The following ADAMTSL1 variants were observed in gnomAD, a reference collection of about 807,000 sequenced individuals.
The protein encoded by ADAMTSL1 is ADAMTS like 1, also known as ADAMTS-like protein 1.
A neutral mutation model predicts 201.8 loss-of-function variants in ADAMTSL1; 126 were observed. The ratio of observed to expected loss-of-function variants is 0.62; its 90% CI spans 0.54 to 0.72. The LOEUF (loss-of-function observed/expected upper bound fraction) is 0.72, where lower values mean the gene tolerates loss of function less well. Among genes scored for constraint, ADAMTSL1 ranks in the 30% least tolerant of loss-of-function variants. The probability of loss-of-function intolerance (pLI) is 0.00; values close to 1 mark genes in which losing one functional copy is unlikely to be tolerated. For missense variants in ADAMTSL1, 2,679 were observed against 2,277.8 expected, an observed-to-expected ratio of 1.18 and a Z score of -3.59; for synonymous variants, 1,121 against 903.4, an observed-to-expected ratio of 1.24 and a Z score of -4.32.
intron 2 of ADAMTSL1, among the ~76,000 whole-genome samples, chr9:18,431,521 T>A (rs1190424475): frequency 6.6e-6 from 1 of 152,196 alleles, no homozygotes; most frequent in Non-Finnish European, 1.5e-5. Context: ...GACTCTATAC[T>A]AGAAACTCAA....
chr9:18,125,969 T>G (rs1419178891), intron 1 of ADAMTSL1, among the ~76,000 whole-genome samples: 1 of 152,148 alleles, frequency 6.6e-6, no homozygotes, highest in African/African-American at 2.4e-5. Flanking sequence ...TGGGACAAAC[T>G]ATTCAATTGC....
At chr9:18,652,758 A>G (rs1382811325) in intron 7 of ADAMTSL1, among the ~76,000 whole-genome samples, 1 of 152,218 alleles carries the variant, frequency 6.6e-6, no homozygotes, top group Non-Finnish European at 1.5e-5. Context: ...AGATGGGTTT[A>G]TCAGGATATA....
intron 21 of ADAMTSL1, among the ~76,000 whole-genome samples, chr9:18,822,926 T>C (rs1465922859): frequency 6.6e-6 from 1 of 152,174 alleles, no homozygotes; most frequent in African/African-American, 2.4e-5. Flanking sequence ...CAAGGGCTGG[T>C]GACGTTTTTT....
At chr9:18,637,712 G>A (rs1387236007) in intron 6 of ADAMTSL1, among the ~76,000 whole-genome samples, 1 of 152,132 alleles carries the variant, frequency 6.6e-6, no homozygotes, top group Non-Finnish European at 1.5e-5. Context: ...GAATGTGGGA[G>A]TGAAAGATAC....
intron 2 of ADAMTSL1, among the ~76,000 whole-genome samples, chr9:18,182,877 C>T (rs929110077): frequency 3.9e-5 from 6 of 152,126 alleles, no homozygotes; most frequent in African/African-American, 1.4e-4. Flanking sequence ...TATGCTGCCT[C>T]TAAACACTGA....
chr9:18,181,837 C>T (rs1378498724), intron 2 of ADAMTSL1, among the ~76,000 whole-genome samples: 4 of 152,154 alleles, frequency 2.6e-5, no homozygotes, highest in Non-Finnish European at 4.4e-5. Flanking sequence ...CACATGCACA[C>T]GTATGTTTAT....
intron 14 of ADAMTSL1, among the ~76,000 whole-genome samples, chr9:18,712,823 G>C (rs1832696078): frequency 6.6e-6 from 1 of 150,732 alleles, no homozygotes; most frequent in Admixed American, 6.6e-5. Flanking sequence ...TGAAATGAAG[G>C]AAAAAATGTT....
intron 2 of ADAMTSL1, among the ~76,000 whole-genome samples, chr9:18,506,946 A>G (rs180702531): frequency 7.9e-5 from 12 of 152,354 alleles, no homozygotes; most frequent in Admixed American, 5.9e-4. Flanking sequence ...AGTGCTTAGT[A>G]TGGACTGATA....
chr9:18,266,144 G>A (rs954320117), intron 2 of ADAMTSL1, among the ~76,000 whole-genome samples: 34 of 152,158 alleles, frequency 2.2e-4, no homozygotes, highest in Non-Finnish European at 5.9e-5. Context: ...GACAGCAGGC[G>A]CCACTGCTGC....
intron 16 of ADAMTSL1, among the ~76,000 whole-genome samples, chr9:18,758,287 C>G (rs1819883951): frequency 6.6e-6 from 1 of 152,206 alleles, no homozygotes; most frequent in Admixed American, 6.5e-5. Flanking sequence ...TGGTAACAGT[C>G]CTAAAATCAG....
At chr9:18,181,040 A>G (rs1271483269) in intron 2 of ADAMTSL1, among the ~76,000 whole-genome samples, 2 of 152,204 alleles carry the variant, frequency 1.3e-5, no homozygotes, top group Non-Finnish European at 2.9e-5. Flanking sequence ...TGGGGAAAGG[A>G]TTCCCTATTT....
At chr9:18,500,986 A>C (rs1027175927) in intron 1 of ADAMTSL1, among the ~76,000 whole-genome samples, 9 of 152,220 alleles carry the variant, frequency 5.9e-5, no homozygotes, top group African/African-American at 2.2e-4. Flanking sequence ...CTTTTGAGAC[A>C]TTGAATTAAA....
intron 2 of ADAMTSL1, among the ~76,000 whole-genome samples, chr9:18,198,239 A>C (rs1479698324): frequency 2.0e-5 from 3 of 151,488 alleles, no homozygotes; most frequent in African/African-American, 7.3e-5. Context: ...AATGGCAACA[A>C]AAGCCAAAAT....
At chr9:18,422,860 G>T (rs777302303) in intron 2 of ADAMTSL1, among the ~76,000 whole-genome samples, 3 of 152,188 alleles carry the variant, frequency 2.0e-5, no homozygotes, top group Non-Finnish European at 4.4e-5. Flanking sequence ...TGTGGATGAA[G>T]ACTTTATCAC....
chr9:18,137,425 G>C (rs1395163587), intron 1 of ADAMTSL1, among the ~76,000 whole-genome samples: 1 of 152,010 alleles, frequency 6.6e-6, no homozygotes, highest in East Asian at 1.9e-4. Flanking sequence ...AAACACATGG[G>C]GGTCTTCCAA....
At chr9:17,997,513 A>G (rs1227540213) in intron 1 of ADAMTSL1, among the ~76,000 whole-genome samples, 1 of 152,120 alleles carries the variant, frequency 6.6e-6, no homozygotes, top group Non-Finnish European at 1.5e-5. Flanking sequence ...TGTTGGTAAC[A>G]TTCATTACTT....
intron 2 of ADAMTSL1, among the ~76,000 whole-genome samples, chr9:18,285,440 T>C (rs1407081662): frequency 6.6e-6 from 1 of 152,132 alleles, no homozygotes; most frequent in African/African-American, 2.4e-5. Flanking sequence ...AGTAATATTA[T>C]ACTCTATAGT....
At chr9:18,003,115 A>T (rs535600873) in intron 1 of ADAMTSL1, among the ~76,000 whole-genome samples, 1 of 152,110 alleles carries the variant, frequency 6.6e-6, no homozygotes, top group East Asian at 2.0e-4. Context: ...TTGAGGGAGC[A>T]GAGGCTGTGG....
chr9:18,344,131 A>C (rs1835594039), intron 2 of ADAMTSL1, among the ~76,000 whole-genome samples: 2 of 152,164 alleles, frequency 1.3e-5, no homozygotes, highest in Admixed American at 6.6e-5. Context: ...AGTGTAAAAA[A>C]TGTTTTAATT....
Sources: allele counts gnomAD v4.1 joint callset (sites outside exome capture counted in the v4.1 genomes callset), GRCh38; gene constraint gnomAD v4.1.1; transcripts MANE v1.5; gene names NCBI Gene and HGNC (gene_info 2026-07-23, HGNC 2026-07-21).